HPSE2: variants seen among roughly 807,000 people sequenced by gnomAD.
HPSE2 encodes the protein heparanase 2 (inactive).
HPSE2 carries 38 observed loss-of-function variants against 60.5 expected under a neutral mutation model. That is an observed-to-expected ratio of 0.63 (90% confidence interval 0.48 to 0.82). The LOEUF is 0.82. Among genes scored for constraint, HPSE2 ranks in the 40% least tolerant of loss-of-function variants. The pLI, the probability that HPSE2 is intolerant of heterozygous loss-of-function variation, is 0.00. For synonymous variants in HPSE2, 295 were observed against 293.2 expected, an observed-to-expected ratio of 1.01 and a Z score of -0.06; for missense variants, 713 against 740.4, an observed-to-expected ratio of 0.96 and a Z score of 0.43.
chr10:98,578,476 T>C (rs541249751), intron 9 of HPSE2, among the ~76,000 whole-genome samples: 2 of 152,348 alleles, frequency 1.3e-5, no homozygotes, highest in South Asian at 4.1e-4. Flanking sequence ...ATTTGTGAAC[T>C]TCCTTTCTAA....
chr10:98,897,408 T>C (rs1043586592), intron 3 of HPSE2, among the ~76,000 whole-genome samples: 36 of 152,086 alleles, frequency 2.4e-4, no homozygotes, highest in African/African-American at 8.4e-4. Context: ...AAGAACAGCA[T>C]TGGAAGACTC....
At position 98,459,320 on chromosome 10, in the gene HPSE2, G is replaced by A. The variant is rs2136412604; in HGVS notation, c.*254C>T. ...TAGTGCACATGAAGGGAAACATTCTGCTCTATACACATGCCTTTATCCTTA... is the reference window on the plus strand; with the variant it reads ...TAGTGCACATGAAGGGAAACATTCTACTCTATACACATGCCTTTATCCTTA... On this transcript the variant is annotated 3_prime_UTR_variant, in exon 12 of 12. Coordinates refer to ENST00000370552, the MANE Select transcript of HPSE2 (RefSeq NM_021828.5). The A allele has an allele frequency of 1.9e-6, 1 of 533,940 alleles. No individual in the cohort carries two copies. Among genetic ancestry groups the A allele is most frequent in the African/African-American group, 1.9e-5 (1 of 52,566 alleles). The allele number at this position is 533,940 out of a possible 1,614,324, so 33.1% of individuals were successfully genotyped here. A position where few individuals can be genotyped will look rare whatever the true frequency, so the allele number is the denominator to read the frequency against.
intron 2 of HPSE2, among the ~76,000 whole-genome samples, chr10:99,148,816 TC>T (rs1589731949): frequency 2.0e-5 from 3 of 151,396 alleles, no homozygotes; most frequent in Middle Eastern, 3.2e-3. Flanking sequence ...AATCAATCAA[TC>T]AATCAATAAA....
chr10:98,691,285 T>A (rs1948070797), intron 6 of HPSE2, among the ~76,000 whole-genome samples: 1 of 152,160 alleles, frequency 6.6e-6, no homozygotes. Flanking sequence ...CCAAAAGAAA[T>A]ACAACCCCCT....
At chr10:98,791,448 T>G (rs775818906) in intron 3 of HPSE2, among the ~76,000 whole-genome samples, 1 of 152,196 alleles carries the variant, frequency 6.6e-6, no homozygotes, top group South Asian at 2.1e-4. Context: ...ACAGACTATA[T>G]GTTTAGCACA....
intron 2 of HPSE2, among the ~76,000 whole-genome samples, chr10:99,160,678 T>C (rs1846794354): frequency 6.6e-6 from 1 of 151,698 alleles, no homozygotes; most frequent in South Asian, 2.1e-4. Flanking sequence ...GGCGGGCGGA[T>C]CACGAGGTCA....
intron 3 of HPSE2, among the ~76,000 whole-genome samples, chr10:98,793,478 C>A (rs1950703792): frequency 6.6e-6 from 1 of 152,186 alleles, no homozygotes; most frequent in Admixed American, 6.5e-5. Flanking sequence ...TACTGAGCAC[C>A]TGCTATTGTT....
intron 5 of HPSE2, among the ~76,000 whole-genome samples, chr10:98,716,284 G>A (rs540721514): frequency 1.3e-5 from 2 of 151,848 alleles, no homozygotes; most frequent in South Asian, 4.2e-4. Flanking sequence ...ATCCCTCAAA[G>A]TCATCCACAA....
At chr10:99,158,080 A>G (rs1406116010) in intron 2 of HPSE2, among the ~76,000 whole-genome samples, 12 of 139,130 alleles carry the variant, frequency 8.6e-5, no homozygotes, top group African/African-American at 1.8e-4. Context: ...TTAGAATGGC[A>G]ATCATTAAAA....
intron 3 of HPSE2, among the ~76,000 whole-genome samples, chr10:98,770,828 G>A (rs1589799242): frequency 6.6e-6 from 1 of 152,254 alleles, no homozygotes; most frequent in East Asian, 1.9e-4. Context: ...CAGGGAATAC[G>A]ATGGGGATTT....
intron 3 of HPSE2, among the ~76,000 whole-genome samples, chr10:98,917,385 C>T (rs1292698082): frequency 6.6e-6 from 1 of 152,110 alleles, no homozygotes; most frequent in African/African-American, 2.4e-5. Flanking sequence ...GATTCAAACA[C>T]TGAGTGGAAA....
chr10:98,882,491 G>T lies in HPSE2; in HGVS notation c.611-138435C>A, dbSNP rs1043666709. The stretch of plus-strand genomic sequence containing the variant: ...CAGATTGTAAACTGGGTTCGAATCA[G>T]CTTTGTGTGCTTTCTTATTTTCCTT... On this transcript the variant is annotated intron_variant, in intron 3 of 11. Transcript: ENST00000370552. Among the ~76,000 whole-genome samples, 3 of 151,968 alleles carry T rather than the reference G, an allele frequency of 2.0e-5. No homozygotes were observed. The East Asian group carries it at 5.8e-4, about 29-fold the overall frequency.
At chr10:98,893,840 G>A (rs925793585) in intron 3 of HPSE2, among the ~76,000 whole-genome samples, 7 of 150,852 alleles carry the variant, frequency 4.6e-5, no homozygotes, top group Admixed American at 4.0e-4. Context: ...CAAGAAGTCA[G>A]ACAGAGGATC....
At chr10:98,723,634 A>G (rs1339244031) in intron 4 of HPSE2, among the ~76,000 whole-genome samples, 1 of 152,178 alleles carries the variant, frequency 6.6e-6, no homozygotes, top group Non-Finnish European at 1.5e-5. Context: ...TATTGCCTCA[A>G]TTTCAGAGCC....
intron 1 of HPSE2, among the ~76,000 whole-genome samples, chr10:99,234,322 G>A (rs931691143): frequency 1.3e-5 from 2 of 152,186 alleles, no homozygotes; most frequent in African/African-American, 4.8e-5. Context: ...GACCCGACCC[G>A]GGCCAGGGGG....
At chr10:98,614,540 C>A (rs1945848273) in intron 9 of HPSE2, among the ~76,000 whole-genome samples, 1 of 152,146 alleles carries the variant, frequency 6.6e-6, no homozygotes, top group South Asian at 2.1e-4. Context: ...GATCCACCCG[C>A]CTTGGCCTCC....
At chr10:98,619,002 A>G (rs909801826) in intron 8 of HPSE2, among the ~76,000 whole-genome samples, 6 of 152,234 alleles carry the variant, frequency 3.9e-5, no homozygotes, top group Non-Finnish European at 2.9e-5. Context: ...CTGAGGACAC[A>G]GAAATGGAAG....
chr10:98,905,724 G>A (rs774895897), intron 3 of HPSE2, among the ~76,000 whole-genome samples: 26 of 152,148 alleles, frequency 1.7e-4, no homozygotes, highest in Non-Finnish European at 1.5e-4. Flanking sequence ...GAGTTAACTG[G>A]CCCTGGATTG....
At chr10:98,870,069 G>A (rs944454168) in intron 3 of HPSE2, among the ~76,000 whole-genome samples, 2 of 152,108 alleles carry the variant, frequency 1.3e-5, no homozygotes, top group African/African-American at 4.8e-5. Context: ...TTTATTAGGG[G>A]AGGCAGGTCT....
Sources: allele counts gnomAD v4.1 joint callset (sites outside exome capture counted in the v4.1 genomes callset), GRCh38; gene constraint gnomAD v4.1.1; transcripts MANE v1.5; gene names NCBI Gene and HGNC (gene_info 2026-07-23, HGNC 2026-07-21).